Variants in SMARCAL1 observed in about 807,000 individuals in gnomAD.
SMARCAL1 encodes the protein SNF2 related chromatin remodeling annealing helicase 1.
A neutral mutation model predicts 94.5 loss-of-function variants in SMARCAL1; 58 were observed. That is an observed-to-expected ratio of 0.61 (90% CI 0.50 to 0.76). The LOEUF is 0.76. Among genes scored for constraint, SMARCAL1 ranks in the 30% least tolerant of loss-of-function variants. The probability of loss-of-function intolerance (pLI) is 0.00; values close to 1 mark genes in which losing one functional copy is unlikely to be tolerated. For missense variants in SMARCAL1, 1,051 were observed against 1,177.9 expected (o/e 0.89, Z 1.58); for synonymous variants, 422 against 455.1 (o/e 0.93, Z 0.93).
chr2:216,413,066 C>G (rs935704108), intron 1 of SMARCAL1: 1 of 147,144 alleles, frequency 6.8e-6, no homozygotes, highest in African/African-American at 2.5e-5. Context: ...CCTCCAAAAC[C>G]TTTTCCTAAC....
intron 8 of SMARCAL1, among the ~76,000 whole-genome samples, chr2:216,434,112 A>G (rs1292503523): frequency 6.6e-6 from 1 of 151,956 alleles, no homozygotes; most frequent in East Asian, 1.9e-4. Flanking sequence ...AGTCTTGTGA[A>G]TTCTGCCAGT....
At chr2:216,476,550 C>CA (rs1164478148) in intron 15 of SMARCAL1, among the ~76,000 whole-genome samples, 1 of 152,110 alleles carries the variant, frequency 6.6e-6, no homozygotes, top group Non-Finnish European at 1.5e-5. Flanking sequence ...TGGGCTCAAG[C>CA]AATCTGCCTG....
intron 14 of SMARCAL1, among the ~76,000 whole-genome samples, chr2:216,469,735 G>A (rs1183876843): frequency 2.6e-5 from 4 of 152,100 alleles, no homozygotes; most frequent in Non-Finnish European, 5.9e-5. Flanking sequence ...TTGTGTAGGG[G>A]AGGCATATTC....
chr2:216,473,085 G>A (rs1695001020), intron 14 of SMARCAL1, among the ~76,000 whole-genome samples: 1 of 152,122 alleles, frequency 6.6e-6, no homozygotes, highest in Admixed American at 6.6e-5. Flanking sequence ...TGAGAATCAA[G>A]ATAGGAAACA....
chr2:216,439,681 A>T (rs1694156386), intron 10 of SMARCAL1, among the ~76,000 whole-genome samples: 1 of 152,204 alleles, frequency 6.6e-6, no homozygotes, highest in Non-Finnish European at 1.5e-5. Flanking sequence ...TCAAGTTTTC[A>T]TGTGTTTAGG....
At position 216,447,030 on chromosome 2, in the gene SMARCAL1, G is replaced by T; in HGVS notation, c.1723G>T (p.Val575Leu). 6.2e-7 allele frequency: 1 copy of T among 1,613,996 alleles called. No homozygotes were observed. The highest frequency in any genetic ancestry group is 8.5e-7 in the Non-Finnish European group (1 of 1,180,026). Reference protein sequence around the residue: ...AMPVLKVAKRVILLSGTPAMS... With the variant: ...AMPVLKVAKRLILLSGTPAMS... The stretch of plus-strand genomic sequence containing the variant: ...GTTTGTCTTTTAGGTTGCCAAGAGG[G>T]TGATCCTGTTGTCGGGCACACCAGC... Residue 575 changes from valine to leucine, a missense_variant, in exon 11 of 18, where the codon GTG becomes TTG. Val to Leu is a conservative substitution (Grantham distance 32). Around this residue, in one of 3 missense-constraint regions of SMARCAL1, gnomAD observed 642 missense variants for 754.7 expected, o/e 0.85. Transcript: ENST00000357276.
Position 216,475,069 on chromosome 2 carries a change from G to A in SMARCAL1, c.2245-200G>A, listed in dbSNP as rs536149258. 1.3e-5 allele frequency among the ~76,000 whole-genome samples: 2 copies of A among 152,284 alleles called. 1 individual carries two copies. The highest frequency in any genetic ancestry group is 4.1e-4 in the South Asian group (2 of 4,824). On this transcript the variant is annotated intron_variant, in intron 14 of 17. Transcript: ENST00000357276. This position sits in a 1 kb window ranked among gnomAD's most constrained non-coding sequence, Gnocchi z 4.4. ...GGAAACTGGGCAAAGGCCTAAGAGG[G>A]ATCTCTATTATTTCTTACAATGGCA...
chr2:216,445,345 T>C (rs1694286310), intron 10 of SMARCAL1, among the ~76,000 whole-genome samples: 1 of 152,322 alleles, frequency 6.6e-6, no homozygotes, highest in Admixed American at 6.5e-5. Context: ...TTTTCTTTTT[T>C]TGTAATGCTG....
chr2:216,447,036 C>T lies in SMARCAL1; in HGVS notation c.1729C>T (p.Leu577=), dbSNP rs1341949416. ...PVLKVAKRVI[L]LSGTPAMSRP... Reference sequence around the variant, plus strand: ...CTTTTAGGTTGCCAAGAGGGTGATCCTGTTGTCGGGCACACCAGCCATGTC... The same window carrying T: ...CTTTTAGGTTGCCAAGAGGGTGATCTTGTTGTCGGGCACACCAGCCATGTC... The change falls in exon 11 of 18, where the codon CTG becomes TTG. Residue 577 remains leucine, a synonymous_variant. Coordinates refer to ENST00000357276, the MANE Select transcript of SMARCAL1 (RefSeq NM_014140.4). The T allele has an allele frequency of 2.5e-6, 4 of 1,613,884 alleles. No individual in the cohort carries two copies. Among genetic ancestry groups the T allele is most frequent in the Admixed American group, 3.3e-5 (2 of 59,992 alleles).
At chr2:216,421,234 C>T (rs532190201) in intron 5 of SMARCAL1, among the ~76,000 whole-genome samples, 19 of 152,142 alleles carry the variant, frequency 1.2e-4, no homozygotes, top group African/African-American at 2.2e-4. Context: ...TTTAATCTTC[C>T]GATAAGCCTA....
intron 6 of SMARCAL1, among the ~76,000 whole-genome samples, chr2:216,426,678 A>T (rs1693840304): frequency 6.6e-6 from 1 of 152,220 alleles, no homozygotes; most frequent in Non-Finnish European, 1.5e-5. Context: ...CTGCCTTTGT[A>T]AAATGACCCA....
chr2:216,459,474 T>G (rs1167554655), intron 12 of SMARCAL1, among the ~76,000 whole-genome samples: 1 of 152,220 alleles, frequency 6.6e-6, no homozygotes, highest in African/African-American at 2.4e-5. Flanking sequence ...ATGGTACTGG[T>G]ACCAAAACAG....
rs373043364 is a variant in SMARCAL1 at position 216,482,171 on chromosome 2, C to A, written c.2626-567C>A. Among the ~76,000 whole-genome samples the A allele has an allele frequency of 5.9e-5, 9 of 152,196 alleles. No homozygotes were observed. The East Asian group carries it at 7.7e-4, about 13-fold the overall frequency. On this transcript the variant is annotated intron_variant, in intron 17 of 17. Coordinates refer to ENST00000357276, the MANE Select transcript of SMARCAL1 (RefSeq NM_014140.4). The surrounding 1 kb of genome is among the most constrained non-coding windows in gnomAD (Gnocchi z 4.3). ...ACACAGAGATTTGGAAGTTGGGGGG[C>A]TGGGCACATGGTGGCTCACACCTGT...
intron 14 of SMARCAL1, among the ~76,000 whole-genome samples, chr2:216,473,531 G>A (rs900750862): frequency 1.3e-5 from 2 of 151,788 alleles, no homozygotes; most frequent in African/African-American, 4.8e-5. Flanking sequence ...AAATAGAAGG[G>A]TTAAATTATG....
chr2:216,465,190 G>A (rs555373495), intron 13 of SMARCAL1, among the ~76,000 whole-genome samples: 1 of 152,296 alleles, frequency 6.6e-6, no homozygotes, highest in East Asian at 1.9e-4. Context: ...GCACCCTGCT[G>A]TTAATTACAC....
intron 2 of SMARCAL1, chr2:216,414,443 C>T: frequency 2.2e-6 from 1 of 449,802 alleles, no homozygotes; most frequent in African/African-American, 2.0e-5. Flanking sequence ...ACCCGACCTG[C>T]TTTTTGCTTT....
At chr2:216,430,219 G>C (rs907633435) in intron 7 of SMARCAL1, among the ~76,000 whole-genome samples, 13 of 152,010 alleles carry the variant, frequency 8.6e-5, no homozygotes, top group Non-Finnish European at 1.8e-4. Flanking sequence ...AATAAACTCA[G>C]ATTTTAACTT....
At chr2:216,461,290 T>C (rs1461300420) in intron 12 of SMARCAL1, among the ~76,000 whole-genome samples, 5 of 152,056 alleles carry the variant, frequency 3.3e-5, no homozygotes, top group African/African-American at 1.2e-4. Flanking sequence ...AAAAGAATCA[T>C]CTTTTATACA....
At chr2:216,454,045 A>G (rs1164342994) in intron 12 of SMARCAL1, among the ~76,000 whole-genome samples, 1 of 152,256 alleles carries the variant, frequency 6.6e-6, no homozygotes, top group African/African-American at 2.4e-5. Context: ...TAACAGAGAA[A>G]TGGAACAAGT....
Sources: gnomAD v4.1 joint callset for allele counts (sites outside exome capture counted in the v4.1 genomes callset) on GRCh38, gnomAD v4.1.1 for gene constraint, gnomAD v4.1.1 regional missense constraint, Gnocchi (gnomAD v3.1) non-coding constraint, MANE v1.5 for transcripts, NCBI Gene and HGNC (gene_info 2026-07-23, HGNC 2026-07-21) for gene names.